Variants in ADAMTS6 observed in about 807,000 individuals in gnomAD.
ADAMTS6 encodes the protein ADAM metallopeptidase with thrombospondin type 1 motif 6.
In ADAMTS6, 23 loss-of-function variants were observed where a neutral mutation model predicts 144.3. That is an observed-to-expected ratio of 0.16 (90% CI 0.11 to 0.23). ADAMTS6 has a LOEUF of 0.23. ADAMTS6 is among the 10% of genes least tolerant of loss of function. The probability of loss-of-function intolerance (pLI) is 1.00; values close to 1 mark genes in which losing one functional copy is unlikely to be tolerated. For synonymous variants in ADAMTS6, 444 were observed against 457.5 expected (o/e 0.97, Z 0.38); for missense variants, 999 against 1,379.6 (o/e 0.72, Z 4.37).
At chr5:65,210,066 G>GT (rs1580064434) in intron 20 of ADAMTS6, 1 of 221,370 alleles carries the variant, frequency 4.5e-6, no homozygotes, top group African/African-American at 2.3e-5. Flanking sequence ...CCAAAATATG[G>GT]TGTGAAGATT....
Position 65,332,888 on chromosome 5 carries a change from A to T in ADAMTS6, c.1117+1154T>A, listed in dbSNP as rs985376866. 5.3e-5 allele frequency among the ~76,000 whole-genome samples: 8 copies of T among 152,268 alleles called. No individual in the cohort carries two copies. The East Asian group carries it at 1.5e-3, about 29-fold the overall frequency. On this transcript the variant is annotated intron_variant, in intron 8 of 24. Transcript: ENST00000381055. ...CTTTTTAACTAGCAAGCTTCTCCAT[A>T]GTTAATACTCAGCATTGGCTATTTG... is the stretch of plus-strand genomic sequence containing the variant.
At chr5:65,321,540 T>C (rs62369623) in intron 9 of ADAMTS6, among the ~76,000 whole-genome samples, 17,243 of 152,062 alleles carry the variant, frequency 0.11, 1,052 homozygotes, top group African/African-American at 0.15. Flanking sequence ...GTTCTTTAGT[T>C]TAATTAAATC....
At position 65,393,918 on chromosome 5, in the gene ADAMTS6, C is replaced by T. The variant is rs144626519; in HGVS notation, c.1073+57557G>A. Among the ~76,000 whole-genome samples the T allele has an allele frequency of 2.6e-5, 4 of 152,228 alleles. No individual in the cohort carries two copies. The East Asian group carries it at 7.7e-4, about 29-fold the overall frequency. On this transcript the variant is annotated intron_variant, in intron 7 of 24. Transcript: ENST00000381055. ...CATTTGTGTCAGGAAAACTGTGTAGCTGCAAAATAAAAGGAAGAATAAATC... is the reference window on the plus strand; with the variant it reads ...CATTTGTGTCAGGAAAACTGTGTAGTTGCAAAATAAAAGGAAGAATAAATC...
chr5:65,236,614 TATATATGAACAAC>T (rs1344558494), intron 15 of ADAMTS6, among the ~76,000 whole-genome samples: 39 of 152,250 alleles, frequency 2.6e-4, no homozygotes, highest in South Asian at 1.9e-3. Context: ...GCAATTAAAT[TATATATGAACAAC>T]AAGAAATTCT....
chr5:65,256,837 T>C (rs1760699844), intron 14 of ADAMTS6, among the ~76,000 whole-genome samples: 1 of 152,096 alleles, frequency 6.6e-6, no homozygotes, highest in South Asian at 2.1e-4. Context: ...GTGTGATATA[T>C]TGTAGATAGG....
chr5:65,237,164 T>C lies in ADAMTS6; in HGVS notation c.1933+4940A>G, dbSNP rs945381251. 2.6e-5 allele frequency among the ~76,000 whole-genome samples: 4 copies of C among 151,874 alleles called. No individual in the cohort carries two copies. The East Asian group carries it at 7.7e-4, about 29-fold the overall frequency. On this transcript the variant is annotated intron_variant, in intron 15 of 24. Coordinates refer to ENST00000381055, the MANE Select transcript of ADAMTS6 (RefSeq NM_197941.4). The stretch of plus-strand genomic sequence containing the variant: ...ATCCCAGTACTTTGGCAGGCTGAGA[T>C]TGAAGAATCCCTTGAGCTTAGGAGT...
At chr5:65,422,472 AT>A (rs879922000) in intron 7 of ADAMTS6, among the ~76,000 whole-genome samples, 1 of 152,128 alleles carries the variant, frequency 6.6e-6, no homozygotes, top group Non-Finnish European at 1.5e-5. Flanking sequence ...AAATACAAAA[AT>A]TAGTTGGGTG....
chr5:65,466,430 T>C (rs1200584848), intron 3 of ADAMTS6, among the ~76,000 whole-genome samples: 1 of 152,234 alleles, frequency 6.6e-6, no homozygotes, highest in African/African-American at 2.4e-5. Context: ...TTTTTCCTCC[T>C]TGCCATTTAT....
chr5:65,334,168 A>C, intron 7 of ADAMTS6, 83 bp from the exon 8 acceptor site: 16 of 1,405,730 alleles, frequency 1.1e-5, no homozygotes, highest in Non-Finnish European at 1.5e-5. Flanking sequence ...TCTCTCCTGA[A>C]GTTGTCAGAC....
At chr5:65,443,761 A>C (rs193167573) in intron 7 of ADAMTS6, among the ~76,000 whole-genome samples, 416 of 151,580 alleles carry the variant, frequency 2.7e-3, no homozygotes, top group African/African-American at 9.7e-3. Flanking sequence ...ATATTCCAAC[A>C]CCCATTCCTG....
intron 9 of ADAMTS6, among the ~76,000 whole-genome samples, chr5:65,308,782 A>C (rs1744196889): frequency 6.6e-6 from 1 of 152,206 alleles, no homozygotes. Flanking sequence ...CAGCTTAATT[A>C]AAATTCTATC....
chr5:65,265,962 T>C (rs1761592504), intron 12 of ADAMTS6, among the ~76,000 whole-genome samples: 1 of 152,040 alleles, frequency 6.6e-6, no homozygotes, highest in South Asian at 2.1e-4. Flanking sequence ...TGGATTTTTA[T>C]AACTACATAA....
chr5:65,263,535 CAAA>C (rs1044201007), intron 12 of ADAMTS6, among the ~76,000 whole-genome samples: 3 of 151,502 alleles, frequency 2.0e-5, no homozygotes, highest in Admixed American at 1.3e-4. Flanking sequence ...GGACTGGGTA[CAAA>C]AAAACCCTTG....
At chr5:65,385,004 C>T (rs1752375203) in intron 7 of ADAMTS6, among the ~76,000 whole-genome samples, 1 of 152,270 alleles carries the variant, frequency 6.6e-6, no homozygotes, top group South Asian at 2.1e-4. Flanking sequence ...GCAAAAGGGG[C>T]TAACAAGCTC....
At chr5:65,240,829 T>G (rs1173955394) in intron 15 of ADAMTS6, among the ~76,000 whole-genome samples, 1 of 152,110 alleles carries the variant, frequency 6.6e-6, no homozygotes, top group Non-Finnish European at 1.5e-5. Context: ...TAGAGGAATT[T>G]TGGAGGTAAA....
intron 7 of ADAMTS6, among the ~76,000 whole-genome samples, chr5:65,440,532 T>C (rs1451027318): frequency 6.6e-6 from 1 of 152,066 alleles, no homozygotes; most frequent in Non-Finnish European, 1.5e-5. Context: ...TTTACAGGAC[T>C]AAGTACAGCA....
rs576071076 is a variant in ADAMTS6 at position 65,226,108 on chromosome 5, A to C, written c.2045T>G (p.Ile682Ser). ...GTQCNADSLD[I>S]CINGECKHVG... ...AACCTTGCATTCTCCATTGATGCAGATATCCAGTGAATCCGCATTGCACTG... is the reference window on the plus strand; with the variant it reads ...AACCTTGCATTCTCCATTGATGCAGCTATCCAGTGAATCCGCATTGCACTG... Residue 682 changes from isoleucine (I) to serine (S), a missense_variant, in exon 16 of 25, where the codon ATC becomes AGC. Coordinates refer to ENST00000381055, the MANE Select transcript of ADAMTS6 (RefSeq NM_197941.4). The C allele has an allele frequency of 1.2e-6, 2 of 1,612,104 alleles. No individual in the cohort carries two copies. The highest frequency in any genetic ancestry group is 2.2e-5 in the East Asian group (1 of 44,830).
chr5:65,429,191 A>C (rs1195609879), intron 7 of ADAMTS6, among the ~76,000 whole-genome samples: 1 of 152,228 alleles, frequency 6.6e-6, no homozygotes, highest in Non-Finnish European at 1.5e-5. Flanking sequence ...CCTTATACTC[A>C]GAGTAAAGGA....
chr5:65,214,939 T>C lies in ADAMTS6; in HGVS notation c.2437-7A>G, dbSNP rs772312553. The C allele has an allele frequency of 1.2e-6, 2 of 1,612,312 alleles. No individual in the cohort carries two copies. The highest frequency in any genetic ancestry group is 1.7e-6 in the Non-Finnish European group (2 of 1,178,996). On this transcript the variant is annotated splice_region_variant and splice_polypyrimidine_tract_variant and intron_variant, in intron 19 of 24. Coordinates refer to ENST00000381055, the MANE Select transcript of ADAMTS6 (RefSeq NM_197941.4). The surrounding 1 kb of genome is among the most constrained non-coding windows in gnomAD (Gnocchi z 4.6). ...TCTGTTCTTGAAGCAGAACCTGCCA[T>C]TGAAAACAACTGGTGAAGACAATTA...
Sources: gnomAD v4.1 joint callset for allele counts (sites outside exome capture counted in the v4.1 genomes callset) on GRCh38, gnomAD v4.1.1 for gene constraint, Gnocchi (gnomAD v3.1) non-coding constraint, MANE v1.5 for transcripts, NCBI Gene and HGNC (gene_info 2026-07-23, HGNC 2026-07-21) for gene names.